Variants in KHDRBS2 observed in about 807,000 individuals in gnomAD.
The protein encoded by KHDRBS2 is KH RNA binding domain containing, signal transduction associated 2.
In KHDRBS2, 26 loss-of-function variants were observed where a neutral mutation model predicts 44.3. That is an observed-to-expected ratio of 0.59 (90% confidence interval 0.43 to 0.81). The LOEUF is 0.81. KHDRBS2 is among the 40% of genes least tolerant of loss of function. KHDRBS2 has a pLI of 0.00. For missense variants in KHDRBS2, 476 were observed against 433.1 expected, an observed-to-expected ratio of 1.10 and a Z score of -0.88; for synonymous variants, 194 against 151.1, an observed-to-expected ratio of 1.28 and a Z score of -2.08.
In KHDRBS2 at chr6:61,732,763, C is replaced by T. The variant is rs779395142; in HGVS notation, c.812G>A (p.Gly271Asp). Residue 271 changes from glycine to aspartate, a missense_variant and splice_region_variant, in exon 7 of 9, where the codon GGT becomes GAT. Coordinates refer to ENST00000281156, the MANE Select transcript of KHDRBS2 (RefSeq NM_152688.4). ...TTCACCCCCGTAGCCATCATCATAA[C>T]CCTGAGACAAAAAAATGGTAGAAAC... ...PPAHEAYEEY[G>D]YDDGYGGEYD... The T allele has an allele frequency of 8.2e-6, 13 of 1,585,412 alleles. No individual in the cohort carries two copies. In the Admixed American group the frequency reaches 1.7e-4, roughly 20 times the overall value.
chr6:61,610,217 A>T, the KHDRBS2 span, among the ~76,000 whole-genome samples: 1 of 144,008 alleles, frequency 6.9e-6, no homozygotes, highest in South Asian at 2.2e-4. Context: ...CAAAACTTGA[A>T]AAAACTTTGG....
At chr6:61,554,841 C>G in the KHDRBS2 span, among the ~76,000 whole-genome samples, 943 of 152,286 alleles carry the variant, frequency 6.2e-3, 12 homozygotes, top group African/African-American at 0.021. Flanking sequence ...AGGCTCCTAA[C>G]CCCTTCTGGC....
the KHDRBS2 span, among the ~76,000 whole-genome samples, chr6:61,620,540 C>T: frequency 6.6e-6 from 1 of 152,142 alleles, no homozygotes; most frequent in East Asian, 1.9e-4. Context: ...CTCAATGTTG[C>T]TAAGTTAAAT....
Position 62,047,941 on chromosome 6 carries a change from T to C in KHDRBS2, c.273A>G (p.Leu91=), listed in dbSNP as rs2127307594. The change falls in exon 3 of 9, where the codon CTA becomes CTG. Residue 91 remains leucine, a synonymous_variant. Coordinates refer to ENST00000281156, the MANE Select transcript of KHDRBS2 (RefSeq NM_152688.4). ...ACATTTTAGCACCTGTTTCTTCCTG[T>C]AGCCTCTTCAAGGAGTTTCCTCTTG... The part of the protein sequence containing the change: ...LGPRGNSLKR[L]QEETGAKMSI... The C allele has an allele frequency of 6.2e-7, 1 of 1,612,380 alleles. No homozygotes were observed.
chr6:61,766,595 T>C (rs1295769844), intron 6 of KHDRBS2, among the ~76,000 whole-genome samples: 19 of 152,072 alleles, frequency 1.2e-4, no homozygotes, highest in Admixed American at 1.2e-3. Context: ...TGTAGGCATA[T>C]ATAGCTATGA....
At chr6:61,741,215 T>C (rs1019969383) in intron 6 of KHDRBS2, among the ~76,000 whole-genome samples, 2 of 151,378 alleles carry the variant, frequency 1.3e-5, no homozygotes, top group African/African-American at 2.4e-5. Context: ...TACTACCCCA[T>C]AGACACAGAA....
downstream of KHDRBS2, among the ~76,000 whole-genome samples, chr6:61,678,170 G>T (rs1766051120): frequency 6.6e-6 from 1 of 151,844 alleles, no homozygotes; most frequent in South Asian, 2.1e-4. Context: ...ATTAAAACTT[G>T]GGGTTTAAAA....
chr6:62,099,838 A>G (rs899493073), intron 2 of KHDRBS2, among the ~76,000 whole-genome samples: 4 of 152,202 alleles, frequency 2.6e-5, no homozygotes, highest in Non-Finnish European at 5.9e-5. Flanking sequence ...ACTCTGATGG[A>G]GATGTGCGGG....
intron 6 of KHDRBS2, among the ~76,000 whole-genome samples, chr6:61,782,067 G>A (rs1056923528): frequency 2.5e-4 from 38 of 152,126 alleles, no homozygotes; most frequent in Admixed American, 2.4e-3. Context: ...TGAAGATCCA[G>A]TCTCTGTCAT....
intron 4 of KHDRBS2, among the ~76,000 whole-genome samples, chr6:61,963,124 C>T (rs1443027200): frequency 5.9e-5 from 9 of 151,966 alleles, no homozygotes; most frequent in Non-Finnish European, 1.2e-4. Flanking sequence ...AGTAAGGGTA[C>T]CATCACAAAT....
At chr6:61,791,527 AAATT>A (rs1303236065) in intron 6 of KHDRBS2, among the ~76,000 whole-genome samples, 5 of 151,526 alleles carry the variant, frequency 3.3e-5, no homozygotes, top group Admixed American at 6.6e-5. Context: ...TTCAGAGATT[AAATT>A]AATTGAGATC....
At chr6:61,673,451 G>A in the KHDRBS2 span, among the ~76,000 whole-genome samples, 2 of 150,986 alleles carry the variant, frequency 1.3e-5, no homozygotes, top group African/African-American at 4.8e-5. Flanking sequence ...AGGAAATGAA[G>A]GGTATTCAAA....
intron 4 of KHDRBS2, among the ~76,000 whole-genome samples, chr6:61,923,854 G>C (rs1356877087): frequency 6.6e-6 from 1 of 152,006 alleles, no homozygotes; most frequent in African/African-American, 2.4e-5. Context: ...ATTCAAATTA[G>C]AAACAAGTTA....
rs116243417 is a variant in KHDRBS2 at position 62,248,861 on chromosome 6, A to G, written c.91+36997T>C. ...AGACAACTACAGGGTAAGCGAAGTCAACAAACATAGATAGTAAAAACTGTG... is the reference window on the plus strand; with the variant it reads ...AGACAACTACAGGGTAAGCGAAGTCGACAAACATAGATAGTAAAAACTGTG... On this transcript the variant is annotated intron_variant, in intron 1 of 8. Transcript: ENST00000281156. Among the ~76,000 whole-genome samples the G allele has an allele frequency of 2.5e-3, 381 of 152,256 alleles. 3 individuals carry two copies. Among genetic ancestry groups the G allele is most frequent in the African/African-American group, 8.4e-3 (349 of 41,564 alleles).
intron 1 of KHDRBS2, among the ~76,000 whole-genome samples, chr6:62,197,137 T>G (rs989601012): frequency 6.6e-5 from 10 of 152,164 alleles, no homozygotes; most frequent in Non-Finnish European, 1.5e-4. Flanking sequence ...AGAACAAGGA[T>G]GTAGAATATG....
chr6:61,739,025 A>G (rs537684496), intron 6 of KHDRBS2, among the ~76,000 whole-genome samples: 1 of 152,014 alleles, frequency 6.6e-6, no homozygotes, highest in Non-Finnish European at 1.5e-5. Flanking sequence ...AATTGTATGC[A>G]CGTGTGTCTA....
At chr6:61,874,890 A>G (rs1314410101) in intron 6 of KHDRBS2, among the ~76,000 whole-genome samples, 1 of 152,160 alleles carries the variant, frequency 6.6e-6, no homozygotes, top group African/African-American at 2.4e-5. Flanking sequence ...AGAACCAGCT[A>G]TCTAGCTGAT....
At chr6:61,577,433 T>A in the KHDRBS2 span, among the ~76,000 whole-genome samples, 24 of 152,272 alleles carry the variant, frequency 1.6e-4, no homozygotes, top group African/African-American at 5.8e-4. Flanking sequence ...TCAGAGACAT[T>A]CACAATGCTA....
intron 2 of KHDRBS2, among the ~76,000 whole-genome samples, chr6:62,115,568 T>TAAATC (rs1386063395): frequency 3.3e-5 from 5 of 152,156 alleles, no homozygotes; most frequent in Admixed American, 6.6e-5. Context: ...AATGGCAAAG[T>TAAATC]AAATCATAGG....
Sources: allele counts gnomAD v4.1 joint callset (sites outside exome capture counted in the v4.1 genomes callset), GRCh38; gene constraint gnomAD v4.1.1; transcripts MANE v1.5; gene names NCBI Gene and HGNC (gene_info 2026-07-23, HGNC 2026-07-21).